Variants in NREP observed in about 807,000 individuals in gnomAD.
The protein encoded by NREP is neuronal regeneration related protein.
Under a neutral mutation model 8.6 loss-of-function variants are expected in NREP, and 5 were observed. The ratio of observed to expected loss-of-function variants is 0.58; its 90% CI spans 0.30 to 1.22. The LOEUF is 1.22. NREP is among the 50% of genes most tolerant of loss of function. NREP has a pLI of 0.07. For missense variants in NREP, 86 were observed against 82.5 expected (o/e 1.04, Z -0.17); for synonymous variants, 27 against 28.0 (o/e 0.96, Z 0.11).
downstream of NREP, chr5:111,728,940 G>A (rs1334244189): frequency 7.5e-6 from 1 of 132,706 alleles, no homozygotes; most frequent in East Asian, 1.9e-4. Flanking sequence ...CACAGAGTGG[G>A]TCTTAAAGAA....
chr5:111,739,215 A>G (rs1202992872), intron 2 of NREP: 3 of 152,246 alleles, frequency 2.0e-5, no homozygotes, highest in East Asian at 1.9e-4. Context: ...AACATTTAGC[A>G]TAATATCCAG....
At chr5:111,848,499 G>C (rs970157794) in intron 2 of NREP, among the ~76,000 whole-genome samples, 1 of 152,104 alleles carries the variant, frequency 6.6e-6, no homozygotes, top group African/African-American at 2.4e-5. Context: ...ATACAAAAGA[G>C]AAAGTGCTGA....
intron 2 of NREP, among the ~76,000 whole-genome samples, chr5:111,950,659 C>T (rs577535): frequency 6.7e-6 from 1 of 149,942 alleles, no homozygotes; most frequent in Non-Finnish European, 1.5e-5. Flanking sequence ...TGACAAAGGT[C>T]TAATATCCAG....
intron 2 of NREP, among the ~76,000 whole-genome samples, chr5:111,855,051 G>T (rs1753396189): frequency 6.6e-6 from 1 of 152,072 alleles, no homozygotes; most frequent in South Asian, 2.1e-4. Context: ...GCCTCATGGT[G>T]AATGAGTGGG....
chr5:111,938,558 T>A (rs144761625), intron 2 of NREP, among the ~76,000 whole-genome samples: 2 of 152,194 alleles, frequency 1.3e-5, no homozygotes, highest in East Asian at 3.9e-4. Context: ...TGTAGGCAGA[T>A]GACATGGCCT....
chr5:111,844,641 A>G (rs1753113321), intron 2 of NREP, among the ~76,000 whole-genome samples: 1 of 147,512 alleles, frequency 6.8e-6, no homozygotes, highest in Admixed American at 6.8e-5. Context: ...TACATTATAT[A>G]TCAACTAATA....
At position 111,912,014 on chromosome 5, in the gene NREP, A is replaced by C. The variant is rs147466488; in HGVS notation, c.135+63260T>G. The stretch of plus-strand genomic sequence containing the variant: ...ACACGATTGATAAGTGCCAAAGACA[A>C]AATATAAATTCCTGTCTGTCTACCT... On this transcript the variant is annotated intron_variant, in intron 2 of 3. Transcript: ENST00000395634. Among the ~76,000 whole-genome samples the C allele has an allele frequency of 1.0e-3, 157 of 152,228 alleles. 1 individual carries two copies. Among genetic ancestry groups the C allele is most frequent in the African/African-American group, 3.8e-3 (156 of 41,576 alleles).
chr5:111,890,814 A>C (rs1754375815), intron 2 of NREP, among the ~76,000 whole-genome samples: 1 of 152,234 alleles, frequency 6.6e-6, no homozygotes, highest in Non-Finnish European at 1.5e-5. Context: ...CTGACCCACG[A>C]AACCATTCTT....
chr5:111,975,133 C>G lies in NREP; in HGVS notation c.135+141G>C, dbSNP rs572584647. 395 of 638,354 alleles carry G rather than the reference C, an allele frequency of 6.2e-4. 1 individual carries two copies. The highest frequency in any genetic ancestry group is 9.4e-4 in the Non-Finnish European group (337 of 357,966). 39.5% of individuals were successfully genotyped at this position (638,354 alleles called of 1,614,324 possible). A position where few individuals can be genotyped will look rare whatever the true frequency, so the allele number is the denominator to read the frequency against. On this transcript the variant is annotated intron_variant, in intron 2 of 3. Coordinates refer to the NREP transcript ENST00000395634. ...GGGGTTTAGGAAATAGGCTGAAAAG[C>G]CTGAATTAATGGAAAGGCTTTCACG...
chr5:111,777,355 A>AGTGT (rs57727316), intron 2 of NREP, among the ~76,000 whole-genome samples: 10,176 of 148,746 alleles, frequency 0.068, 448 homozygotes, highest in East Asian at 0.19. Context: ...TGTGTGTGTG[A>AGTGT]GTGTGTGTGT....
In NREP at chr5:111,830,827, C is replaced by T. The variant is rs141711263; in HGVS notation, c.136-95320G>A. ...CATGATTCTACTGATAAGAGTTATA[C>T]AGAACCCACAGTAATAAAGGAAAGC... On this transcript the variant is annotated intron_variant, in intron 2 of 3. Coordinates refer to the NREP transcript ENST00000395634. 5.1e-3 allele frequency among the ~76,000 whole-genome samples: 784 copies of T among 152,326 alleles called. 2 individuals carry two copies. Among genetic ancestry groups the T allele is most frequent in the Non-Finnish European group, 7.5e-3 (512 of 68,024 alleles).
intron 2 of NREP, among the ~76,000 whole-genome samples, chr5:111,960,720 C>T (rs1171177700): frequency 6.6e-6 from 1 of 152,180 alleles, no homozygotes; most frequent in Non-Finnish European, 1.5e-5. Flanking sequence ...ATGGGATTTA[C>T]ACTTAACTCT....
chr5:111,774,210 A>C (rs1751304273), intron 2 of NREP, among the ~76,000 whole-genome samples: 1 of 150,290 alleles, frequency 6.7e-6, no homozygotes, highest in South Asian at 2.1e-4. Context: ...GGGAGGAAGA[A>C]AGGAAGGAAG....
At chr5:111,817,434 G>C (rs937419645) in intron 2 of NREP, among the ~76,000 whole-genome samples, 1 of 152,032 alleles carries the variant, frequency 6.6e-6, no homozygotes. Flanking sequence ...TCAGATTAAA[G>C]AACATCCTTT....
At chr5:111,966,836 T>C (rs1309532016) in intron 2 of NREP, among the ~76,000 whole-genome samples, 1 of 152,334 alleles carries the variant, frequency 6.6e-6, no homozygotes, top group Admixed American at 6.5e-5. Context: ...TTGTCCACTA[T>C]GTAAGGGAAC....
chr5:111,805,406 C>T (rs1471851847), intron 2 of NREP, among the ~76,000 whole-genome samples: 1 of 152,132 alleles, frequency 6.6e-6, no homozygotes, highest in East Asian at 1.9e-4. Context: ...ATATTGAAAA[C>T]AACCTAAATG....
chr5:111,913,027 G>C (rs1308357289), intron 2 of NREP, among the ~76,000 whole-genome samples: 1 of 151,990 alleles, frequency 6.6e-6, no homozygotes, highest in Non-Finnish European at 1.5e-5. Flanking sequence ...TTACTTATTA[G>C]CTACAATGTG....
At chr5:111,809,739 C>G (rs1313798804) in intron 2 of NREP, among the ~76,000 whole-genome samples, 1 of 152,132 alleles carries the variant, frequency 6.6e-6, no homozygotes, top group African/African-American at 2.4e-5. Flanking sequence ...CTAAATAAAC[C>G]TTTTTTTAAA....
At chr5:111,838,511 A>G (rs1013932790) in intron 2 of NREP, among the ~76,000 whole-genome samples, 1 of 152,132 alleles carries the variant, frequency 6.6e-6, no homozygotes, top group Admixed American at 6.6e-5. Context: ...TATCCTTGAT[A>G]ATGTGTGGGC....
Sources: gnomAD v4.1 joint callset for allele counts (sites outside exome capture counted in the v4.1 genomes callset) on GRCh38, gnomAD v4.1.1 for gene constraint, MANE v1.5 for transcripts, NCBI Gene and HGNC (gene_info 2026-07-23, HGNC 2026-07-21) for gene names.